AGAP1: variants seen among roughly 807,000 people sequenced by gnomAD.
AGAP1 encodes ArfGAP with GTPase domain, ankyrin repeat and PH domain 1.
In AGAP1, 29 loss-of-function variants were observed where a neutral mutation model predicts 105.3. The ratio of observed to expected loss-of-function variants is 0.28; its 90% CI spans 0.21 to 0.38. The LOEUF is 0.38. Among genes scored for constraint, AGAP1 ranks in the 10% least tolerant of loss-of-function variants. AGAP1 has a pLI of 1.00. For missense variants in AGAP1, 998 were observed against 1,165.1 expected (o/e 0.86, Z 2.09); for synonymous variants, 509 against 485.9 (o/e 1.05, Z -0.63).
chr2:235,923,190 C>T (rs571891747), intron 11 of AGAP1, among the ~76,000 whole-genome samples: 12 of 152,184 alleles, frequency 7.9e-5, no homozygotes, highest in East Asian at 1.9e-4. Flanking sequence ...GGGACGATGC[C>T]GAAAAGGTCC....
rs923304945 is a variant in AGAP1 at position 235,557,878 on chromosome 2, A to G, written c.163+63029A>G. On this transcript the variant is annotated intron_variant, in intron 1 of 17. Coordinates refer to ENST00000304032, the MANE Select transcript of AGAP1 (RefSeq NM_001037131.3). The surrounding 1 kb of genome is among the most constrained non-coding windows in gnomAD (Gnocchi z 4.7). ...ACTGTTGATGCTTAAATGACATTTGAGGAACCTATTGGTGCTTTCTTGAGC... is the reference window on the plus strand; with the variant it reads ...ACTGTTGATGCTTAAATGACATTTGGGGAACCTATTGGTGCTTTCTTGAGC... Among the ~76,000 whole-genome samples, 6 of 152,346 alleles carry G rather than the reference A, an allele frequency of 3.9e-5. No homozygotes were observed. Among genetic ancestry groups the G allele is most frequent in the Admixed American group, 2.0e-4 (3 of 15,298 alleles).
intron 1 of AGAP1, among the ~76,000 whole-genome samples, chr2:235,580,015 G>T (rs1944875829): frequency 6.6e-6 from 1 of 152,180 alleles, no homozygotes; most frequent in South Asian, 2.1e-4. Flanking sequence ...GGCCTTCTGT[G>T]ACTGGGTTCT....
Position 236,058,741 on chromosome 2 carries a change from A to C in AGAP1, c.2114+9460A>C, listed in dbSNP as rs990573956. ...CCAGGGAATTAGGCAAGAAGAAGAA[A>C]CCAAAAGCATCCAGATTTGAAAAGA... is the stretch of plus-strand genomic sequence containing the variant. On this transcript the variant is annotated intron_variant, in intron 16 of 17. Coordinates refer to ENST00000304032, the MANE Select transcript of AGAP1 (RefSeq NM_001037131.3). The surrounding 1 kb of genome is among the most constrained non-coding windows in gnomAD (Gnocchi z 4.6). Among the ~76,000 whole-genome samples the C allele has an allele frequency of 2.0e-5, 3 of 152,330 alleles. No homozygotes were observed. The highest frequency in any genetic ancestry group is 4.4e-5 in the Non-Finnish European group (3 of 68,034).
chr2:235,896,207 T>C (rs997700540), intron 10 of AGAP1, among the ~76,000 whole-genome samples: 1 of 152,244 alleles, frequency 6.6e-6, no homozygotes, highest in African/African-American at 2.4e-5. Context: ...ATGCTGTTTG[T>C]CTTTTTATGA....
At chr2:235,503,383 G>C (rs144373491) in intron 1 of AGAP1, among the ~76,000 whole-genome samples, 133 of 152,242 alleles carry the variant, frequency 8.7e-4, no homozygotes, top group African/African-American at 3.0e-3. Context: ...ATCTGCTCCT[G>C]TTCTGACGAG....
chr2:235,591,874 C>T (rs1167800429), intron 1 of AGAP1, among the ~76,000 whole-genome samples: 1 of 144,570 alleles, frequency 6.9e-6, no homozygotes, highest in Non-Finnish European at 1.5e-5. Flanking sequence ...CCACTTCTCT[C>T]TTGCTCCTCT....
intron 9 of AGAP1, among the ~76,000 whole-genome samples, chr2:235,854,098 C>T (rs557693963): frequency 6.6e-6 from 1 of 152,242 alleles, no homozygotes; most frequent in East Asian, 1.9e-4. Flanking sequence ...AATCCAAATA[C>T]TCAGCTAGAG....
intron 9 of AGAP1, among the ~76,000 whole-genome samples, chr2:235,870,855 T>C (rs1363179727): frequency 3.9e-5 from 6 of 152,242 alleles, no homozygotes; most frequent in Admixed American, 3.9e-4. Context: ...TGCTTCCTGC[T>C]GTACTTAAAG....
chr2:235,800,635 C>T (rs115496020), intron 8 of AGAP1, among the ~76,000 whole-genome samples: 10 of 152,344 alleles, frequency 6.6e-5, no homozygotes, highest in African/African-American at 1.9e-4. Context: ...ATTACAAGTA[C>T]ATGCTTTTGA....
In AGAP1 at chr2:235,957,712, T is replaced by C. The variant is rs2054008107; in HGVS notation, c.1484-10750T>C. On this transcript the variant is annotated intron_variant, in intron 12 of 17. Coordinates refer to ENST00000304032, the MANE Select transcript of AGAP1 (RefSeq NM_001037131.3). This position sits in a 1 kb window ranked among gnomAD's most constrained non-coding sequence, Gnocchi z 4.6. ...TTCTTTATTTACCGGCCTACACATC[T>C]CTGTAAGCTTCAGAAAGAACAGAGC... Among the ~76,000 whole-genome samples the C allele has an allele frequency of 6.6e-6, 1 of 152,186 alleles. No individual in the cohort carries two copies. The highest frequency in any genetic ancestry group is 1.5e-5 in the Non-Finnish European group (1 of 68,036).
rs956584758 is a variant in AGAP1, at chr2:236,092,192, G to T, written c.2115-28000G>T. 3.7e-4 allele frequency among the ~76,000 whole-genome samples: 56 copies of T among 152,302 alleles called. No individual in the cohort carries two copies. The highest frequency in any genetic ancestry group is 3.4e-3 in the Middle Eastern group (1 of 294). On this transcript the variant is annotated intron_variant, in intron 16 of 17. Transcript: ENST00000304032. This position sits in a 1 kb window ranked among gnomAD's most constrained non-coding sequence, Gnocchi z 4.7. ...TGGTGCTAGATACAGGAACGTACATGTGACCAAATTGCATTGAACCAATTC... is the reference window on the plus strand; with the variant it reads ...TGGTGCTAGATACAGGAACGTACATTTGACCAAATTGCATTGAACCAATTC...
chr2:235,534,332 T>A (rs988525261), intron 1 of AGAP1, among the ~76,000 whole-genome samples: 1 of 152,060 alleles, frequency 6.6e-6, no homozygotes, highest in Non-Finnish European at 1.5e-5. Flanking sequence ...TAATAAGAGG[T>A]CGCTGCTGTG....
rs1953518592 is a variant in AGAP1, at chr2:235,752,373, T to C, written c.673+1885T>C. On this transcript the variant is annotated intron_variant, in intron 6 of 17. Transcript: ENST00000304032. This position sits in a 1 kb window ranked among gnomAD's most constrained non-coding sequence, Gnocchi z 4.3. ...TTTGCATTTTAGTAGAGATGGGATT[T>C]TCACCATGTTGCCCAAGTTGGTCTC... Among the ~76,000 whole-genome samples the C allele has an allele frequency of 6.6e-6, 1 of 152,182 alleles. No individual in the cohort carries two copies. The highest frequency in any genetic ancestry group is 2.1e-4 in the South Asian group (1 of 4,834).
At chr2:236,011,879 C>T (rs749481910) in intron 13 of AGAP1, among the ~76,000 whole-genome samples, 13 of 151,980 alleles carry the variant, frequency 8.6e-5, no homozygotes, top group African/African-American at 2.9e-4. Context: ...AACATCAGCT[C>T]GGAGCCTCCT....
At chr2:235,829,944 G>A (rs955230774) in intron 9 of AGAP1, among the ~76,000 whole-genome samples, 1 of 152,134 alleles carries the variant, frequency 6.6e-6, no homozygotes, top group Non-Finnish European at 1.5e-5. Flanking sequence ...AGTAGTCTCT[G>A]GGGACCGGCA....
intron 12 of AGAP1, among the ~76,000 whole-genome samples, chr2:235,945,820 C>T (rs531278554): frequency 2.9e-5 from 4 of 137,380 alleles, no homozygotes; most frequent in South Asian, 2.5e-4. Context: ...GCTTGGCTTC[C>T]GGGGGGGTGC....
chr2:236,108,474 T>C (rs1221146998), intron 16 of AGAP1, among the ~76,000 whole-genome samples: 4 of 152,210 alleles, frequency 2.6e-5, no homozygotes, highest in Non-Finnish European at 4.4e-5. Context: ...CAGCCCGCTC[T>C]GCTACAGAAT....
At chr2:236,048,854 A>G (rs1403861332) in intron 15 of AGAP1, among the ~76,000 whole-genome samples, 1 of 152,240 alleles carries the variant, frequency 6.6e-6, no homozygotes, top group Non-Finnish European at 1.5e-5. Flanking sequence ...CTTCAGCCAA[A>G]TGTGTTCTGA....
At position 235,729,341 on chromosome 2, in the gene AGAP1, G is replaced by T. The variant is rs1450022545; in HGVS notation, c.311-11622G>T. Among the ~76,000 whole-genome samples the T allele has an allele frequency of 6.6e-6, 1 of 152,160 alleles. No homozygotes were observed. On this transcript the variant is annotated intron_variant, in intron 3 of 17. Coordinates refer to ENST00000304032, the MANE Select transcript of AGAP1 (RefSeq NM_001037131.3). This position sits in a 1 kb window ranked among gnomAD's most constrained non-coding sequence, Gnocchi z 5.0. Reference sequence around the variant, plus strand: ...CCACTTCAACTTGGGCAGCATCTCGGCTGGGAGCCCCAGGGAGCCTGGCAG... The same window carrying T: ...CCACTTCAACTTGGGCAGCATCTCGTCTGGGAGCCCCAGGGAGCCTGGCAG...
Sources: allele counts gnomAD v4.1 joint callset (sites outside exome capture counted in the v4.1 genomes callset), GRCh38; gene constraint gnomAD v4.1.1; non-coding constraint Gnocchi (gnomAD v3.1); transcripts MANE v1.5; gene names NCBI Gene and HGNC (gene_info 2026-07-23, HGNC 2026-07-21).